The following NLRP8 variants were observed in gnomAD, a reference collection of about 807,000 sequenced individuals.
NLRP8 encodes NACHT, LRR and PYD domains-containing protein 8.
In NLRP8, 86 loss-of-function variants were observed where a neutral mutation model predicts 88.7. The observed-to-expected ratio is 0.97, with a 90% CI of 0.81 to 1.16. The LOEUF is 1.16. Ranked by LOEUF, NLRP8 falls within the 50% of genes most tolerant of loss-of-function variation. The probability of loss-of-function intolerance (pLI) is 0.00; values close to 1 mark genes in which losing one functional copy is unlikely to be tolerated. For missense variants in NLRP8, 1,342 were observed against 1,286.5 expected, an observed-to-expected ratio of 1.04 and a Z score of -0.66; for synonymous variants, 504 against 494.6, an observed-to-expected ratio of 1.02 and a Z score of -0.25.
chr19:55,977,051 G>T (rs1446092899), intron 8 of NLRP8, among the ~76,000 whole-genome samples: 1 of 147,040 alleles, frequency 6.8e-6, no homozygotes, highest in Admixed American at 6.9e-5. Flanking sequence ...CTGTACTCCA[G>T]CCTGGGCCAC....
chr19:55,962,902 C>G (rs532996718), intron 4 of NLRP8, among the ~76,000 whole-genome samples: 1 of 152,172 alleles, frequency 6.6e-6, no homozygotes, highest in Non-Finnish European at 1.5e-5. Context: ...ACTGTGTAAT[C>G]CAGGGTGTGG....
At chr19:55,976,806 G>A (rs748405136) in intron 8 of NLRP8, among the ~76,000 whole-genome samples, 22 of 28,720 alleles carry the variant, frequency 7.7e-4, no homozygotes, top group Non-Finnish European at 1.2e-3. Flanking sequence ...GTGGCCAGGC[G>A]CGGTGGCTCA....
intron 9 of NLRP8, among the ~76,000 whole-genome samples, chr19:55,984,074 AG>A (rs1568470671): frequency 6.6e-6 from 1 of 152,024 alleles, no homozygotes; most frequent in Non-Finnish European, 1.5e-5. Context: ...TGGAGGTCCT[AG>A]TCAGTGTAAC....
chr19:55,948,635 A>G (rs954583052), intron 1 of NLRP8, among the ~76,000 whole-genome samples: 9 of 151,966 alleles, frequency 5.9e-5, no homozygotes, highest in African/African-American at 2.2e-4. Flanking sequence ...ACGGGGTTTC[A>G]CCATGTTGGC....
Position 55,979,935 on chromosome 19 carries a change from G to C in NLRP8, c.3047+371G>C, listed in dbSNP as rs1980504418. On this transcript the variant is annotated intron_variant, in intron 9 of 9. Coordinates refer to ENST00000291971, the MANE Select transcript of NLRP8 (RefSeq NM_176811.2). ...CCCTGTCTCTTAAAATAGAAAGTGA[G>C]ATTGTGGACCTGGAATGCTATTGTT... Among the ~76,000 whole-genome samples the C allele has an allele frequency of 2.0e-5, 3 of 152,084 alleles. No homozygotes were observed. In the South Asian group the frequency reaches 6.2e-4, roughly 32 times the overall value.
At chr19:55,986,666 G>A (rs1372846028) in intron 9 of NLRP8, among the ~76,000 whole-genome samples, 1 of 152,224 alleles carries the variant, frequency 6.6e-6, no homozygotes, top group East Asian at 1.9e-4. Flanking sequence ...GTGGTTCAGA[G>A]CCGGTTGCAG....
In NLRP8 at chr19:55,976,245, G is replaced by C; in HGVS notation, c.2818G>C (p.Gly940Arg). The C allele has an allele frequency of 6.2e-7, 1 of 1,613,732 alleles. No individual in the cohort carries two copies. Among genetic ancestry groups the C allele is most frequent in the East Asian group, 2.2e-5 (1 of 44,858 alleles). ...AAGTTTTAATAGCCTGAAGGATGAT[G>C]GGGTGATCCTGCTGTGTGAGGCCCT... is the stretch of plus-strand genomic sequence containing the variant. Residue 940 changes from glycine to arginine, a missense_variant, in exon 8 of 10, where the codon GGG (glycine) becomes CGG (arginine). By Grantham distance (125) the Gly-to-Arg change is moderately radical. Coordinates refer to ENST00000291971, the MANE Select transcript of NLRP8 (RefSeq NM_176811.2).
At chr19:55,967,752 G>A (rs1979907037) in intron 5 of NLRP8, among the ~76,000 whole-genome samples, 1 of 152,174 alleles carries the variant, frequency 6.6e-6, no homozygotes, top group South Asian at 2.1e-4. Context: ...TGAAAGAGCT[G>A]ATTTTTCATC....
chr19:55,963,623 T>A (rs181407047), intron 4 of NLRP8, among the ~76,000 whole-genome samples: 1 of 152,026 alleles, frequency 6.6e-6, no homozygotes, highest in East Asian at 1.9e-4. Context: ...GATCATGGCT[T>A]ACTGCAACCT....
intron 4 of NLRP8, among the ~76,000 whole-genome samples, chr19:55,964,450 T>A (rs1332060261): frequency 1.3e-5 from 2 of 152,128 alleles, no homozygotes; most frequent in African/African-American, 2.4e-5. Context: ...ATGGACTGAC[T>A]GAATGTAGAA....
rs1275084532 is a variant in NLRP8, at chr19:55,957,671, AATT to A, written c.2042+1574_2042+1576del. ...ACTATCTTAAAAAAGAAAAAATAAT[AATT>A]ATATATATATATATATATATATATA... On this transcript the variant is annotated intron_variant, in intron 3 of 9. Coordinates refer to ENST00000291971, the MANE Select transcript of NLRP8 (RefSeq NM_176811.2). 3.7e-3 allele frequency among the ~76,000 whole-genome samples: 207 copies of A among 55,326 alleles called. 11 individuals carry two copies. The highest frequency in any genetic ancestry group is 0.015 in the African/African-American group (173 of 11,194). The allele number at this position is 55,326 out of a possible 152,430, so 36.3% of individuals were successfully genotyped here.
At chr19:55,972,313 C>T (rs1980110320) in intron 6 of NLRP8, among the ~76,000 whole-genome samples, 1 of 151,826 alleles carries the variant, frequency 6.6e-6, no homozygotes, top group Non-Finnish European at 1.5e-5. Context: ...CGGGGTTTTG[C>T]CACGTTGGCC....
intron 3 of NLRP8, among the ~76,000 whole-genome samples, chr19:55,956,941 C>T (rs1409944867): frequency 4.6e-5 from 7 of 152,130 alleles, no homozygotes; most frequent in Non-Finnish European, 8.8e-5. Flanking sequence ...CACAGGCATG[C>T]ACCACCATGC....
intron 9 of NLRP8, among the ~76,000 whole-genome samples, chr19:55,982,712 G>GTGGA (rs1980624190): frequency 6.6e-6 from 1 of 152,220 alleles, no homozygotes; most frequent in African/African-American, 2.4e-5. Flanking sequence ...GGAGGTTAAG[G>GTGGA]TGGAGAGTTG....
chr19:55,978,458 C>A (rs1181039038), intron 8 of NLRP8, among the ~76,000 whole-genome samples: 1 of 151,998 alleles, frequency 6.6e-6, no homozygotes, highest in East Asian at 1.9e-4. Context: ...GGAGGGGCTG[C>A]ATCTGGTGAG....
chr19:55,984,610 C>T (rs905999892), intron 9 of NLRP8, among the ~76,000 whole-genome samples: 5 of 146,492 alleles, frequency 3.4e-5, no homozygotes, highest in South Asian at 2.2e-4. Flanking sequence ...GCCGAGATCG[C>T]GCCATTGCAC....
intron 4 of NLRP8, among the ~76,000 whole-genome samples, chr19:55,963,253 A>G (rs968012980): frequency 6.6e-6 from 1 of 152,178 alleles, no homozygotes; most frequent in Non-Finnish European, 1.5e-5. Flanking sequence ...ACCTCAAGTG[A>G]TCTGCCCTCC....
In NLRP8 at chr19:55,954,478, T is replaced by C. The variant is rs201100168; in HGVS notation, c.443-23T>C. The stretch of plus-strand genomic sequence containing the variant: ...ATTCACTCTGATGTCATACCCTTTA[T>C]TTCTCCCATCTCACAAATCTAGGTA... On this transcript the variant is annotated intron_variant, in intron 2 of 9. Transcript: ENST00000291971. The C allele has an allele frequency of 1.4e-4, 224 of 1,605,076 alleles. 7 individuals are homozygous for C. The South Asian group carries it at 1.6e-3, about 11-fold the overall frequency.
At chr19:55,980,094 C>A (rs1980509925) in intron 9 of NLRP8, among the ~76,000 whole-genome samples, 2 of 152,164 alleles carry the variant, frequency 1.3e-5, no homozygotes, top group South Asian at 4.1e-4. Context: ...TATCTTCTTT[C>A]TTGTCTTTGT....
Sources: allele counts gnomAD v4.1 joint callset (sites outside exome capture counted in the v4.1 genomes callset), GRCh38; gene constraint gnomAD v4.1.1; transcripts MANE v1.5; gene names NCBI Gene and HGNC (gene_info 2026-07-23, HGNC 2026-07-21).